CTNNA2: variants seen among roughly 807,000 people sequenced by gnomAD.
CTNNA2 encodes catenin alpha 2, also known as catenin alpha-2.
Under a neutral mutation model 101.0 loss-of-function variants are expected in CTNNA2, and 42 were observed. That is an observed-to-expected ratio of 0.42 (90% confidence interval 0.32 to 0.54). The LOEUF is 0.54. Among genes scored for constraint, CTNNA2 ranks in the 20% least tolerant of loss-of-function variants. CTNNA2 has a pLI of 0.14. For synonymous variants in CTNNA2, 450 were observed against 456.4 expected (o/e 0.99, Z 0.18); for missense variants, 871 against 1,223.1 (o/e 0.71, Z 4.29).
At chr2:80,083,672 A>C (rs1699278252) in intron 7 of CTNNA2, among the ~76,000 whole-genome samples, 1 of 152,288 alleles carries the variant, frequency 6.6e-6, no homozygotes, top group East Asian at 1.9e-4. Flanking sequence ...GCCTTGCTGG[A>C]ATATTCTTAC....
In CTNNA2 at chr2:80,303,741, C is replaced by G; in HGVS notation, c.1057-89470C>G. 1 of 1,597,358 alleles carries G rather than the reference C, an allele frequency of 6.3e-7. No homozygotes were observed. The highest frequency in any genetic ancestry group is 1.1e-5 in the South Asian group (1 of 87,778). On this transcript the variant is annotated intron_variant, in intron 7 of 18. Transcript: ENST00000402739. This position sits in a 1 kb window ranked among gnomAD's most constrained non-coding sequence, Gnocchi z 7.7. The stretch of plus-strand genomic sequence containing the variant: ...GCGGCGGGCAGCATCTGAAAGCAGG[C>G]CCCCAGCAGACACAAGACCACCCCC...
chr2:79,268,127 G>C (rs772016235), intron 2 of CTNNA2, among the ~76,000 whole-genome samples: 16 of 152,124 alleles, frequency 1.1e-4, no homozygotes, highest in African/African-American at 3.9e-4. Context: ...CCTGATGGTA[G>C]TGAATTCTGC....
intron 2 of CTNNA2, among the ~76,000 whole-genome samples, chr2:79,679,855 C>T (rs931186814): frequency 3.3e-5 from 5 of 152,056 alleles, no homozygotes; most frequent in African/African-American, 4.8e-5. Flanking sequence ...GTCTTCTCCC[C>T]GATCCCCTAT....
chr2:79,592,164 A>T (rs1183273102), intron 1 of CTNNA2, among the ~76,000 whole-genome samples: 1 of 146,388 alleles, frequency 6.8e-6, no homozygotes, highest in Non-Finnish European at 1.5e-5. Flanking sequence ...CTTGTTGCCC[A>T]GGCTGGAGTG....
At position 80,376,579 on chromosome 2, in the gene CTNNA2, G is replaced by T. The variant is rs1272840982; in HGVS notation, c.1057-16632G>T. ...TACAAATGAGTTACAATAAAGAATT[G>T]TACATTAAAGAATGATAGATAGATC... On this transcript the variant is annotated intron_variant, in intron 7 of 18. Coordinates refer to ENST00000402739, the MANE Select transcript of CTNNA2 (RefSeq NM_001282597.3). 2.0e-5 allele frequency among the ~76,000 whole-genome samples: 3 copies of T among 152,008 alleles called. No homozygotes were observed. In the East Asian group the frequency reaches 5.8e-4, roughly 29 times the overall value.
upstream of CTNNA2, among the ~76,000 whole-genome samples, chr2:79,508,979 A>G (rs1224923397): frequency 2.6e-5 from 1 of 37,814 alleles, no homozygotes; most frequent in Admixed American, 2.2e-4. Flanking sequence ...ATATATATAT[A>G]TATATATATA....
chr2:80,584,254 A>C (rs1695781879), intron 14 of CTNNA2, among the ~76,000 whole-genome samples: 1 of 152,098 alleles, frequency 6.6e-6, no homozygotes, highest in Non-Finnish European at 1.5e-5. Flanking sequence ...CATTTAGAGA[A>C]AGTCTCCCTT....
chr2:79,693,699 A>G (rs926376696), intron 2 of CTNNA2, among the ~76,000 whole-genome samples: 2 of 151,930 alleles, frequency 1.3e-5, no homozygotes, highest in African/African-American at 4.8e-5. Context: ...AAGTCAGAGT[A>G]TAAAGGTCAG....
chr2:79,903,504 T>C (rs556044226), intron 6 of CTNNA2, among the ~76,000 whole-genome samples: 53 of 152,270 alleles, frequency 3.5e-4, no homozygotes, highest in African/African-American at 1.2e-3. Flanking sequence ...GAGAAGTCGC[T>C]TCAGAACCTG....
At chr2:80,489,134 G>T (rs926357961) in intron 9 of CTNNA2, among the ~76,000 whole-genome samples, 1 of 152,110 alleles carries the variant, frequency 6.6e-6, no homozygotes, top group Non-Finnish European at 1.5e-5. Context: ...CCATTTGAAT[G>T]AGGTGACAGC....
intron 4 of CTNNA2, among the ~76,000 whole-genome samples, chr2:79,441,696 T>C (rs1678779656): frequency 6.6e-6 from 1 of 152,174 alleles, no homozygotes; most frequent in Admixed American, 6.6e-5. Context: ...GAGTGGTACT[T>C]TTAAAATGTA....
At chr2:80,358,814 A>G (rs1047987321) in intron 7 of CTNNA2, among the ~76,000 whole-genome samples, 1 of 152,132 alleles carries the variant, frequency 6.6e-6, no homozygotes, top group Non-Finnish European at 1.5e-5. Flanking sequence ...TTAACATTGT[A>G]AAATAAAACT....
intron 7 of CTNNA2, among the ~76,000 whole-genome samples, chr2:80,055,114 G>A (rs561644238): frequency 4.6e-4 from 70 of 152,046 alleles, no homozygotes; most frequent in Middle Eastern, 3.4e-3. Context: ...CTGCAACCTC[G>A]AACTCTGGAC....
chr2:79,378,448 A>C (rs1678003061), intron 4 of CTNNA2, among the ~76,000 whole-genome samples: 1 of 152,158 alleles, frequency 6.6e-6, no homozygotes. Flanking sequence ...ATAGTTAAAA[A>C]ATTGTGGGGC....
At chr2:79,586,915 T>G (rs571180051) in intron 1 of CTNNA2, among the ~76,000 whole-genome samples, 1 of 152,020 alleles carries the variant, frequency 6.6e-6, no homozygotes, top group South Asian at 2.1e-4. Context: ...TGAGAACATA[T>G]GATATTTGGT....
At chr2:79,512,954 T>G (rs1382212390), upstream of CTNNA2, 1 of 148,964 alleles carries the variant, frequency 6.7e-6, no homozygotes, top group Admixed American at 6.7e-5. Flanking sequence ...TCCGGGCCGC[T>G]GCCGCTCGCG....
intron 4 of CTNNA2, among the ~76,000 whole-genome samples, chr2:79,379,476 A>G (rs1678016020): frequency 6.6e-6 from 1 of 152,178 alleles, no homozygotes; most frequent in Non-Finnish European, 1.5e-5. Context: ...ATCATACTGC[A>G]TACCTTTCCC....
chr2:79,489,450 G>T (rs1671188778), intron 4 of CTNNA2, among the ~76,000 whole-genome samples: 1 of 152,152 alleles, frequency 6.6e-6, no homozygotes, highest in Non-Finnish European at 1.5e-5. Flanking sequence ...AAGAATAATG[G>T]CAAGTGAGAA....
At chr2:80,252,324 C>T (rs116817660) in intron 7 of CTNNA2, among the ~76,000 whole-genome samples, 8,935 of 152,166 alleles carry the variant, frequency 0.059, 442 homozygotes, top group South Asian at 0.29. Context: ...TAAATACTTA[C>T]CCGTTTGGTT....
Sources: allele counts gnomAD v4.1 joint callset (sites outside exome capture counted in the v4.1 genomes callset), GRCh38; gene constraint gnomAD v4.1.1; non-coding constraint Gnocchi (gnomAD v3.1); transcripts MANE v1.5; gene names NCBI Gene and HGNC (gene_info 2026-07-23, HGNC 2026-07-21).